Variants in DNM2 observed in about 807,000 individuals in gnomAD.
DNM2 encodes the protein dynamin 2.
DNM2 carries 15 observed loss-of-function variants against 99.0 expected under a neutral mutation model. That is an observed-to-expected ratio of 0.15 (90% CI 0.10 to 0.23). The LOEUF is 0.23. Ranked by LOEUF, DNM2 falls within the 10% of genes least tolerant of loss-of-function variation. DNM2 has a pLI of 1.00. For synonymous variants in DNM2, 525 were observed against 481.2 expected, an observed-to-expected ratio of 1.09 and a Z score of -1.19; for missense variants, 742 against 1,189.4, an observed-to-expected ratio of 0.62 and a Z score of 5.53.
At chr19:10,755,718 C>T (rs975504023) in intron 1 of DNM2, among the ~76,000 whole-genome samples, 1 of 151,868 alleles carries the variant, frequency 6.6e-6, no homozygotes, top group Non-Finnish European at 1.5e-5. Flanking sequence ...GGCTGGAGTG[C>T]AGTGATGCGA....
chr19:10,734,743 TGGG>T (rs1339732660), intron 1 of DNM2, among the ~76,000 whole-genome samples: 1 of 150,416 alleles, frequency 6.6e-6, no homozygotes, highest in Non-Finnish European at 1.5e-5. Context: ...TTTATCGAGA[TGGG>T]GGTCTTGCTG....
rs896380297 is a variant in DNM2 at position 10,818,205 on chromosome 19, C to T, written c.1672-1775C>T. Among the ~76,000 whole-genome samples the T allele has an allele frequency of 2.6e-5, 3 of 115,262 alleles. No individual in the cohort carries two copies. The highest frequency in any genetic ancestry group is 5.9e-5 in the African/African-American group (2 of 33,810). 75.6% of individuals were successfully genotyped at this position (115,262 alleles called of 152,430 possible). A position where few individuals can be genotyped will look rare whatever the true frequency, so the allele number is the denominator to read the frequency against. The stretch of plus-strand genomic sequence containing the variant: ...GCGGCATCCCTCCCTCCATGGCCAC[C>T]GGGCCCCTCTCCTATGCTCTGCTCC... On this transcript the variant is annotated intron_variant, in intron 15 of 20. Transcript: ENST00000389253. The surrounding 1 kb of genome is among the most constrained non-coding windows in gnomAD (Gnocchi z 4.3).
rs537326292 is a variant in DNM2 at position 10,759,395 on chromosome 19, G to T, written c.162-343G>T. ...ATTTTACCCATATACATGTGGCATT[G>T]TGTTGATTTAAAACACATAGGAAAT... On this transcript the variant is annotated intron_variant, in intron 1 of 20. Transcript: ENST00000389253. Among the ~76,000 whole-genome samples, 13 of 152,256 alleles carry T rather than the reference G, an allele frequency of 8.5e-5. No individual in the cohort carries two copies. The East Asian group carries it at 1.9e-3, about 23-fold the overall frequency.
chr19:10,827,813 G>A (rs1195894152), intron 18 of DNM2, among the ~76,000 whole-genome samples: 1 of 151,908 alleles, frequency 6.6e-6, no homozygotes, highest in Admixed American at 6.6e-5. Context: ...AGTTTGCAAT[G>A]AGCGGAGATC....
chr19:10,808,233 G>A (rs764584770), intron 13 of DNM2, among the ~76,000 whole-genome samples: 2 of 152,140 alleles, frequency 1.3e-5, no homozygotes, highest in Non-Finnish European at 2.9e-5. Flanking sequence ...GGGCAGGGGT[G>A]GGGGCGGGGA....
intron 15 of DNM2, among the ~76,000 whole-genome samples, chr19:10,819,321 G>T (rs2072889744): frequency 6.6e-6 from 1 of 152,144 alleles, no homozygotes; most frequent in Admixed American, 6.5e-5. Context: ...GACCTATCCA[G>T]CCCCAAGATG....
intron 1 of DNM2, among the ~76,000 whole-genome samples, chr19:10,757,154 T>C (rs1201688323): frequency 1.3e-5 from 2 of 152,134 alleles, no homozygotes; most frequent in South Asian, 2.1e-4. Context: ...TCAGCCCTGC[T>C]CTGCCAGCAG....
chr19:10,758,900 G>A (rs187646649), intron 1 of DNM2, among the ~76,000 whole-genome samples: 1 of 152,206 alleles, frequency 6.6e-6, no homozygotes, highest in South Asian at 2.1e-4. Context: ...TACATTCCGC[G>A]AAATCGATCC....
intron 1 of DNM2, among the ~76,000 whole-genome samples, chr19:10,735,260 G>A (rs946795461): frequency 1.1e-4 from 17 of 151,930 alleles, no homozygotes; most frequent in Admixed American, 3.3e-4. Flanking sequence ...GGATGGTCTC[G>A]ATCTCCTGAC....
Position 10,802,280 on chromosome 19 carries a change from TC to T in DNM2, c.1423-3del. On this transcript the variant is annotated splice_region_variant and splice_polypyrimidine_tract_variant and intron_variant, in intron 11 of 20. Transcript: ENST00000389253. The stretch of plus-strand genomic sequence containing the variant: ...CTTGTACTCACAGTGACCCCCGCTC[TC>T]CCCCAGATTCTTCTGCTGATCGACA... 2 of 1,614,036 alleles carry T rather than the reference TC, an allele frequency of 1.2e-6. No individual in the cohort carries two copies. Among genetic ancestry groups the T allele is most frequent in the Non-Finnish European group, 1.7e-6 (2 of 1,179,992 alleles).
intron 1 of DNM2, among the ~76,000 whole-genome samples, chr19:10,729,183 A>AAAT (rs2069217905): frequency 7.0e-6 from 1 of 143,584 alleles, no homozygotes; most frequent in South Asian, 2.2e-4. Flanking sequence ...AAAAAAAAAA[A>AAAT]AAAAAAATAT....
At chr19:10,746,181 G>T (rs761416319) in intron 1 of DNM2, among the ~76,000 whole-genome samples, 2 of 152,100 alleles carry the variant, frequency 1.3e-5, no homozygotes, top group African/African-American at 4.8e-5. Flanking sequence ...GGCTGCTCTC[G>T]AACTCTGGAC....
intron 1 of DNM2, chr19:10,718,702 A>C (rs985816800): frequency 3.9e-6 from 1 of 258,568 alleles, no homozygotes; most frequent in African/African-American, 2.3e-5. Context: ...GAAGTCTGCC[A>C]TCTGGTTGGC....
intron 6 of DNM2, 76 bp downstream of exon 6, chr19:10,783,196 C>G: frequency 1.3e-6 from 2 of 1,588,234 alleles, no homozygotes; most frequent in Non-Finnish European, 1.7e-6. Context: ...CTCACTGGCA[C>G]TTGTTTCAGG....
chr19:10,725,948 C>T (rs2069099848), intron 1 of DNM2, among the ~76,000 whole-genome samples: 6 of 152,082 alleles, frequency 3.9e-5, no homozygotes, highest in Admixed American at 2.6e-4. Context: ...TGGCAGGGAG[C>T]GATGGCTCAC....
intron 2 of DNM2, among the ~76,000 whole-genome samples, chr19:10,771,615 T>G (rs2070982718): frequency 6.6e-6 from 1 of 152,136 alleles, no homozygotes; most frequent in Non-Finnish European, 1.5e-5. Context: ...AGCTGGAATG[T>G]GCTGGTGGAC....
rs767424969 is a variant in DNM2, at chr19:10,823,784, G to A, written c.1782-4G>A. The A allele has an allele frequency of 5.4e-5, 87 of 1,609,786 alleles. 1 individual carries two copies. In the Middle Eastern group the frequency reaches 6.6e-4, roughly 12 times the overall value. ...TGTGCCCCTCCTTCCCCACCCCCCC[G>A]CAGAAACGTCTACAAGGACCTGCGG... On this transcript the variant is annotated splice_polypyrimidine_tract_variant and splice_region_variant and intron_variant, in intron 16 of 20. Transcript: ENST00000389253.
At chr19:10,803,436 G>T (rs1186018600) in intron 12 of DNM2, among the ~76,000 whole-genome samples, 2 of 152,174 alleles carry the variant, frequency 1.3e-5, no homozygotes, top group Non-Finnish European at 2.9e-5. Flanking sequence ...CTGCCTGTGG[G>T]TGGCAGCCCC....
chr19:10,722,346 C>T (rs2068966266), intron 1 of DNM2, among the ~76,000 whole-genome samples: 1 of 152,104 alleles, frequency 6.6e-6, no homozygotes, highest in South Asian at 2.1e-4. Context: ...GTCTGCGGTG[C>T]ACCAGCAGAT....
Sources: gnomAD v4.1 joint callset for allele counts (sites outside exome capture counted in the v4.1 genomes callset) on GRCh38, gnomAD v4.1.1 for gene constraint, Gnocchi (gnomAD v3.1) non-coding constraint, MANE v1.5 for transcripts, NCBI Gene and HGNC (gene_info 2026-07-23, HGNC 2026-07-21) for gene names.